Variants in TULP4 observed in about 807,000 individuals in gnomAD.
TULP4 encodes the protein tubby-related protein 4.
A neutral mutation model predicts 129.0 loss-of-function variants in TULP4; 16 were observed. The ratio of observed to expected loss-of-function variants is 0.12; its 90% confidence interval spans 0.08 to 0.19. TULP4 has a LOEUF of 0.19. TULP4 is among the 10% of genes least tolerant of loss of function. TULP4 has a pLI of 1.00. For missense variants in TULP4, 1,842 were observed against 2,059.1 expected (o/e 0.89, Z 2.04); for synonymous variants, 998 against 854.0 (o/e 1.17, Z -2.94).
chr6:158,363,751 C>G (rs1379630863), intron 1 of TULP4, among the ~76,000 whole-genome samples: 1 of 152,096 alleles, frequency 6.6e-6, no homozygotes, highest in Non-Finnish European at 1.5e-5. Flanking sequence ...TCCCAAAGTG[C>G]TGGGATTACA....
chr6:158,382,107 G>A (rs1777341930), intron 1 of TULP4, among the ~76,000 whole-genome samples: 1 of 152,082 alleles, frequency 6.6e-6, no homozygotes, highest in African/African-American at 2.4e-5. Context: ...CTTGAGGTTT[G>A]GCATGATGGT....
intron 1 of TULP4, among the ~76,000 whole-genome samples, chr6:158,297,726 A>G (rs1316856740): frequency 6.6e-6 from 1 of 152,198 alleles, no homozygotes; most frequent in African/African-American, 2.4e-5. Flanking sequence ...AGGGTCCAAC[A>G]AAGATCACAA....
chr6:158,260,488 G>C (rs1464284784), intron 1 of TULP4, among the ~76,000 whole-genome samples: 1 of 151,602 alleles, frequency 6.6e-6, no homozygotes, highest in Admixed American at 6.6e-5. Flanking sequence ...AGGCAGGAGA[G>C]TGGCATGAAC....
chr6:158,503,718 C>A lies in TULP4; in HGVS notation c.4055C>A (p.Ala1352Asp). The change falls in exon 13 of 14, where the codon GCC becomes GAC. Residue 1352 changes from alanine to aspartate, a missense_variant. Ala to Asp is a moderately radical substitution (Grantham distance 126, BLOSUM62 -2). Coordinates refer to ENST00000367097, the MANE Select transcript of TULP4 (RefSeq NM_020245.5). This position sits in a 1 kb window ranked among gnomAD's most constrained non-coding sequence, Gnocchi z 4.3. ...CGAGCAGAAGAAGGCAGCGTTCAGG[C>A]CATCACTGAGGGCAAAGTGAAGAAG... ...DSRAEEGSVQ[A>D]ITEGKVKKEA... The A allele has an allele frequency of 6.2e-7, 1 of 1,614,022 alleles. No individual in the cohort carries two copies. Among genetic ancestry groups the A allele is most frequent in the Non-Finnish European group, 8.5e-7 (1 of 1,180,022 alleles).
chr6:158,486,480 G>A (rs1780072160), intron 8 of TULP4, among the ~76,000 whole-genome samples: 1 of 152,116 alleles, frequency 6.6e-6, no homozygotes, highest in Admixed American at 6.5e-5. Context: ...GTGAACCTGG[G>A]AGGCGGAGCT....
intron 3 of TULP4, among the ~76,000 whole-genome samples, chr6:158,442,049 T>G (rs905154828): frequency 6.6e-6 from 1 of 152,112 alleles, no homozygotes; most frequent in Non-Finnish European, 1.5e-5. Context: ...GCCTCCCTCC[T>G]CCTCCCTCAT....
chr6:158,494,857 T>C lies in TULP4; in HGVS notation c.1870+11T>C. The C allele has an allele frequency of 6.2e-7, 1 of 1,612,264 alleles. No individual in the cohort carries two copies. Among genetic ancestry groups the C allele is most frequent in the Non-Finnish European group, 8.5e-7 (1 of 1,178,400 alleles). Reference sequence around the variant, plus strand: ...CCAACCTCGGTGCAGGTAAAAATCATGTCCTCTTCTCTCATTGTCCCAGTT... The same window carrying C: ...CCAACCTCGGTGCAGGTAAAAATCACGTCCTCTTCTCTCATTGTCCCAGTT... On this transcript the variant is annotated intron_variant, in intron 11 of 13. Transcript: ENST00000367097.
At position 158,453,529 on chromosome 6, in the gene TULP4, G is replaced by C. The variant is rs1000658418; in HGVS notation, c.859+1261G>C. ...AAAAAAGCCGGGCACGGTAGCTCAC[G>C]CCTGTAATCCCAGCACTTTGGGAGG... is the stretch of plus-strand genomic sequence containing the variant. On this transcript the variant is annotated intron_variant, in intron 5 of 13. Coordinates refer to ENST00000367097, the MANE Select transcript of TULP4 (RefSeq NM_020245.5). 1.1e-4 allele frequency among the ~76,000 whole-genome samples: 15 copies of C among 134,548 alleles called. No homozygotes were observed. The Admixed American group carries it at 1.2e-3, about 10-fold the overall frequency. The allele number at this position is 134,548 out of a possible 152,430, so 88.3% of individuals were successfully genotyped here. A position where few individuals can be genotyped will look rare whatever the true frequency, so the allele number is the denominator to read the frequency against.
intron 1 of TULP4, among the ~76,000 whole-genome samples, chr6:158,235,479 A>T (rs570368381): frequency 6.6e-6 from 1 of 152,234 alleles, no homozygotes; most frequent in East Asian, 1.9e-4. Flanking sequence ...GGGTTCATCC[A>T]TGTTATAGCA....
Position 158,314,030 on chromosome 6 carries a change from T to A in TULP4, c.14T>A (p.Val5Glu). The part of the protein sequence containing the change: MYAA[V>E]EHGPVLCSDS... ...ATTGAAGAAAGTATGTATGCAGCAG[T>A]GGAACATGGGCCTGTGCTTTGCAGC... Residue 5 changes from valine to glutamate, a missense_variant, in exon 1 of 14, where the codon GTG (valine) becomes GAG (glutamate). This residue lies in a region of TULP4 where 151 missense variants were observed against 268.7 expected (regional missense o/e 0.56). Transcript: ENST00000367097. The A allele has an allele frequency of 6.2e-7, 1 of 1,614,152 alleles. No individual in the cohort carries two copies. Among genetic ancestry groups the A allele is most frequent in the Non-Finnish European group, 8.5e-7 (1 of 1,180,002 alleles).
chr6:158,302,393 C>G (rs9355643), intron 1 of TULP4, among the ~76,000 whole-genome samples: 147,147 of 152,348 alleles, frequency 0.97, 71,129 homozygotes, highest in East Asian at 1. Flanking sequence ...GGGCAGGCAT[C>G]CTGGGTTGGA....
intron 1 of TULP4, among the ~76,000 whole-genome samples, chr6:158,393,002 TCAA>T (rs68157285): frequency 0.18 from 25,503 of 141,294 alleles, 3,065 homozygotes; most frequent in East Asian, 0.58. Flanking sequence ...AAAAAAAAAA[TCAA>T]CAACAAGTGA....
At chr6:158,318,948 G>A (rs907580217) in intron 1 of TULP4, among the ~76,000 whole-genome samples, 13 of 146,080 alleles carry the variant, frequency 8.9e-5, no homozygotes, top group Non-Finnish European at 1.5e-4. Context: ...GTTTTGCTGT[G>A]TTGCCCAGGC....
At chr6:158,432,112 A>AAT (rs1778643862) in intron 3 of TULP4, among the ~76,000 whole-genome samples, 11 of 126,774 alleles carry the variant, frequency 8.7e-5, no homozygotes, top group Non-Finnish European at 1.5e-4. Context: ...AAAAAAAATT[A>AAT]AAAAAAAAAA....
chr6:158,323,556 T>A (rs1779682772), intron 1 of TULP4, among the ~76,000 whole-genome samples: 1 of 152,190 alleles, frequency 6.6e-6, no homozygotes, highest in Non-Finnish European at 1.5e-5. Flanking sequence ...CTTGTTTCCT[T>A]CCTAGGTAGT....
rs1185146963 is a variant in TULP4, at chr6:158,510,697, TAAG to T, written c.*4007_*4009del. On this transcript the variant is annotated 3_prime_UTR_variant, in exon 14 of 14. Coordinates refer to ENST00000367097, the MANE Select transcript of TULP4 (RefSeq NM_020245.5). ...AATATACAAAAGTACTGATTCTAGG[TAAG>T]AAGGAGTCTCCACGGGTGTGCCCTG... 2.0e-5 allele frequency: 3 copies of T among 152,220 alleles called. No homozygotes were observed. Among genetic ancestry groups the T allele is most frequent in the African/African-American group, 4.8e-5 (2 of 41,430 alleles). 9.4% of individuals were successfully genotyped at this position (152,220 alleles called of 1,614,324 possible). A position where few individuals can be genotyped will look rare whatever the true frequency, so the allele number is the denominator to read the frequency against.
At chr6:158,353,377 G>A (rs747945734) in intron 1 of TULP4, among the ~76,000 whole-genome samples, 17 of 152,140 alleles carry the variant, frequency 1.1e-4, no homozygotes, top group African/African-American at 4.1e-4. Context: ...CCTACTTAAA[G>A]TTAATTCTCC....
intron 1 of TULP4, among the ~76,000 whole-genome samples, chr6:158,341,536 A>G (rs1269896198): frequency 1.3e-5 from 2 of 152,204 alleles, no homozygotes; most frequent in Admixed American, 1.3e-4. Flanking sequence ...CCAACAATAT[A>G]TGAGGGTTCC....
At position 158,502,500 on chromosome 6, in the gene TULP4, T is replaced by A; in HGVS notation, c.2837T>A (p.Leu946Gln). 6.2e-7 allele frequency: 1 copy of A among 1,612,680 alleles called. No homozygotes were observed. Among genetic ancestry groups the A allele is most frequent in the Non-Finnish European group, 8.5e-7 (1 of 1,179,806 alleles). ...QPCSSATLNR[L>Q]TVPRYSIPTG... Reference sequence around the variant, plus strand: ...TGCAGCAGTGCCACCCTGAACCGCCTGACCGTCCCTCGCTACTCCATCCCC... The same window carrying A: ...TGCAGCAGTGCCACCCTGAACCGCCAGACCGTCCCTCGCTACTCCATCCCC... The change falls in exon 13 of 14, where the codon CTG (leucine) becomes CAG (glutamine). Residue 946 changes from leucine to glutamine, a missense_variant. Around this residue, in one of 5 missense-constraint regions of TULP4, gnomAD observed 1,089 missense variants for 987.1 expected, o/e 1.10. Transcript: ENST00000367097.
Sources: gnomAD v4.1 joint callset for allele counts (sites outside exome capture counted in the v4.1 genomes callset) on GRCh38, gnomAD v4.1.1 for gene constraint, gnomAD v4.1.1 regional missense constraint, Gnocchi (gnomAD v3.1) non-coding constraint, MANE v1.5 for transcripts, NCBI Gene and HGNC (gene_info 2026-07-23, HGNC 2026-07-21) for gene names.